Variants in TRIM14 observed in about 807,000 individuals in gnomAD.
The protein encoded by TRIM14 is tripartite motif-containing protein 14.
A neutral mutation model predicts 44.5 loss-of-function variants in TRIM14; 28 were observed. The ratio of observed to expected loss-of-function variants is 0.63; its 90% CI spans 0.47 to 0.86. The LOEUF is 0.86. Among genes scored for constraint, TRIM14 ranks in the 40% least tolerant of loss-of-function variants. TRIM14 has a pLI of 0.00. For synonymous variants in TRIM14, 299 were observed against 269.2 expected (o/e 1.11, Z -1.08); for missense variants, 607 against 611.1 (o/e 0.99, Z 0.07).
chr9:98,116,721 A>C (rs1827066365), intron 1 of TRIM14, among the ~76,000 whole-genome samples: 1 of 151,686 alleles, frequency 6.6e-6, no homozygotes, highest in Non-Finnish European at 1.5e-5. Flanking sequence ...GTGCATACCT[A>C]TAGTCCCAGC....
intron 6 of TRIM14, chr9:98,076,080 G>A (rs1829577181): frequency 6.6e-6 from 1 of 152,168 alleles, no homozygotes; most frequent in Non-Finnish European, 1.5e-5. Context: ...TCACTTTTAA[G>A]TAGGCAGCGT....
chr9:98,041,501 T>C, the TRIM14 span, among the ~76,000 whole-genome samples: 1 of 151,406 alleles, frequency 6.6e-6, no homozygotes, highest in Non-Finnish European at 1.5e-5. Flanking sequence ...ACATCTTTTT[T>C]TTTTTTTGAG....
At chr9:98,118,462 G>GGGAGA (rs2118737096) in intron 1 of TRIM14, among the ~76,000 whole-genome samples, 1 of 152,302 alleles carries the variant, frequency 6.6e-6, no homozygotes, top group African/African-American at 2.4e-5. Flanking sequence ...GGCCGGGGAG[G>GGGAGA]GGAGAGGAGG....
chr9:98,089,164 C>A (rs186007584), intron 5 of TRIM14, among the ~76,000 whole-genome samples: 1 of 152,164 alleles, frequency 6.6e-6, no homozygotes, highest in East Asian at 1.9e-4. Context: ...TCTCCCACTT[C>A]CTACTTAGCT....
chr9:98,074,058 T>C (rs558718445), intron 6 of TRIM14, among the ~76,000 whole-genome samples: 1 of 152,308 alleles, frequency 6.6e-6, no homozygotes, highest in South Asian at 2.1e-4. Context: ...AGTGCTGGGA[T>C]TACAGGCATG....
intron 2 of TRIM14, among the ~76,000 whole-genome samples, chr9:98,104,465 C>A (rs1435835923): frequency 6.6e-6 from 1 of 151,958 alleles, no homozygotes; most frequent in Admixed American, 6.6e-5. Context: ...AAAACAGCCA[C>A]CAGAAAACTT....
At chr9:98,057,788 A>C in the TRIM14 span, among the ~76,000 whole-genome samples, 22 of 151,116 alleles carry the variant, frequency 1.5e-4, no homozygotes, top group African/African-American at 4.6e-4. Flanking sequence ...CATCAATGCT[A>C]CTCAACTGAT....
downstream of TRIM14, chr9:98,083,052 TTAAAAA>T (rs1411302758): frequency 2.5e-6 from 4 of 1,613,964 alleles, no homozygotes; most frequent in East Asian, 2.2e-5. Flanking sequence ...AAATCAAGTC[TTAAAAA>T]TAAAGTGCCA....
At chr9:98,091,695 T>A (rs905571240) in intron 5 of TRIM14, among the ~76,000 whole-genome samples, 4 of 152,178 alleles carry the variant, frequency 2.6e-5, no homozygotes, top group Non-Finnish European at 4.4e-5. Context: ...TATGAGTAAC[T>A]TTTTTCTTTC....
chr9:98,068,828 TA>T (rs35363398), downstream of TRIM14, among the ~76,000 whole-genome samples: 43,776 of 142,944 alleles, frequency 0.31, 6,641 homozygotes, highest in Admixed American at 0.4. Flanking sequence ...ATCCTGTCTC[TA>T]AAAAAAAAAA....
At chr9:98,076,704 A>G (rs1333814820) in intron 6 of TRIM14, 3 of 529,444 alleles carry the variant, frequency 5.7e-6, no homozygotes, top group African/African-American at 2.0e-5. Flanking sequence ...ACCAGCACCA[A>G]ACGTTTGTTG....
chr9:98,079,359 C>G (rs189262452), downstream of TRIM14, among the ~76,000 whole-genome samples: 4 of 152,312 alleles, frequency 2.6e-5, no homozygotes, highest in East Asian at 3.9e-4. Flanking sequence ...TCCACACATA[C>G]TAGAATCCTG....
intron 2 of TRIM14, among the ~76,000 whole-genome samples, chr9:98,105,319 G>A (rs968424569): frequency 6.6e-6 from 1 of 152,236 alleles, no homozygotes; most frequent in Admixed American, 6.5e-5. Context: ...TGCTCTGTAG[G>A]ACAGAGGGGC....
At chr9:98,072,523 G>C (rs987367532) in intron 6 of TRIM14, among the ~76,000 whole-genome samples, 1 of 151,342 alleles carries the variant, frequency 6.6e-6, no homozygotes, top group Non-Finnish European at 1.5e-5. Context: ...GCAGTTCTCT[G>C]CCTCAGCCTC....
intron 6 of TRIM14, among the ~76,000 whole-genome samples, chr9:98,077,374 ATT>A (rs76602477): frequency 2.1e-4 from 29 of 141,396 alleles, no homozygotes; most frequent in African/African-American, 6.5e-4. Context: ...CTTTTTAAGA[ATT>A]TTTTTTTTTT....
At chr9:98,075,014 G>C (rs1429670518) in intron 6 of TRIM14, 4 of 152,150 alleles carry the variant, frequency 2.6e-5, no homozygotes, top group African/African-American at 9.7e-5. Flanking sequence ...AGGTGGAAAG[G>C]TATGGAAGGT....
the TRIM14 span, among the ~76,000 whole-genome samples, chr9:98,043,960 G>T: frequency 1.3e-5 from 2 of 151,600 alleles, no homozygotes; most frequent in Non-Finnish European, 2.9e-5. Context: ...GCCCCAAAAG[G>T]GGTTACTCTT....
At chr9:98,111,048 T>TCC (rs147862175) in intron 1 of TRIM14, among the ~76,000 whole-genome samples, 54 of 143,462 alleles carry the variant, frequency 3.8e-4, no homozygotes, top group Middle Eastern at 3.7e-3. Context: ...TGAGACCCTG[T>TCC]CCCCCCCCCC....
At chr9:98,048,344 G>C in the TRIM14 span, among the ~76,000 whole-genome samples, 1 of 152,086 alleles carries the variant, frequency 6.6e-6, no homozygotes, top group African/African-American at 2.4e-5. Context: ...TCCTCACCCT[G>C]TTCTACAAAG....
Sources: gnomAD v4.1 joint callset for allele counts (sites outside exome capture counted in the v4.1 genomes callset) on GRCh38, gnomAD v4.1.1 for gene constraint, MANE v1.5 for transcripts, NCBI Gene and HGNC (gene_info 2026-07-23, HGNC 2026-07-21) for gene names.